The following LDLRAD3 variants were observed in gnomAD, a reference collection of about 807,000 sequenced individuals.
LDLRAD3 encodes low-density lipoprotein receptor class A domain-containing protein 3.
LDLRAD3 carries 20 observed loss-of-function variants against 29.4 expected under a neutral mutation model. The ratio of observed to expected loss-of-function variants is 0.68; its 90% CI spans 0.48 to 0.99. The LOEUF (loss-of-function observed/expected upper bound fraction) is 0.99. Among genes scored for constraint, LDLRAD3 ranks in the 50% least tolerant of loss-of-function variants. The pLI, the probability that LDLRAD3 is intolerant of heterozygous loss-of-function variation, is 0.00. For synonymous variants in LDLRAD3, 157 were observed against 192.7 expected (o/e 0.81, Z 1.53); for missense variants, 420 against 454.3 (o/e 0.92, Z 0.69).
chr11:36,012,978 T>A (rs762549955), intron 1 of LDLRAD3, among the ~76,000 whole-genome samples: 8 of 152,242 alleles, frequency 5.3e-5, no homozygotes, highest in Non-Finnish European at 1.0e-4. Flanking sequence ...AAAGTTACCG[T>A]TAATTTTGAA....
chr11:36,047,596 A>C (rs1852468388), intron 2 of LDLRAD3, among the ~76,000 whole-genome samples: 1 of 152,200 alleles, frequency 6.6e-6, no homozygotes, highest in South Asian at 2.1e-4. Flanking sequence ...CAAACAGATA[A>C]ATGCACCATG....
intron 4 of LDLRAD3, among the ~76,000 whole-genome samples, chr11:36,143,518 A>C (rs1267739767): frequency 6.6e-6 from 1 of 152,212 alleles, no homozygotes; most frequent in Non-Finnish European, 1.5e-5. Flanking sequence ...CCTGGAAATT[A>C]TGTATTTTCC....
chr11:36,188,124 G>A (rs1201374013), intron 4 of LDLRAD3, among the ~76,000 whole-genome samples: 2 of 151,998 alleles, frequency 1.3e-5, no homozygotes, highest in Non-Finnish European at 2.9e-5. Context: ...GTTGAAAAGT[G>A]CACCACATCG....
intron 1 of LDLRAD3, among the ~76,000 whole-genome samples, chr11:36,024,352 C>CTATATG (rs1447787418): frequency 1.3e-5 from 2 of 151,950 alleles, no homozygotes; most frequent in Admixed American, 6.6e-5. Flanking sequence ...ATATCTATAT[C>CTATATG]TATAGCCATA....
chr11:36,168,505 T>C (rs1228072224), intron 4 of LDLRAD3, among the ~76,000 whole-genome samples: 3 of 149,178 alleles, frequency 2.0e-5, no homozygotes, highest in South Asian at 2.1e-4. Context: ...CTTCTTTTTT[T>C]TTTTTTTTTT....
In LDLRAD3 at chr11:35,944,331, C is replaced by G. The variant is rs535874018; in HGVS notation, c.46+187C>G. Among the ~76,000 whole-genome samples, 18 of 151,860 alleles carry G rather than the reference C, an allele frequency of 1.2e-4. No homozygotes were observed. Among genetic ancestry groups the G allele is most frequent in the African/African-American group, 3.6e-4 (15 of 41,482 alleles). On this transcript the variant is annotated intron_variant, in intron 1 of 5. Coordinates refer to ENST00000315571, the MANE Select transcript of LDLRAD3 (RefSeq NM_174902.4). The surrounding 1 kb of genome is among the most constrained non-coding windows in gnomAD (Gnocchi z 4.9). ...CCGAGGGGCCGCCGCGGGGTGCGAG[C>G]CGTCCTATTGTGTGGGCGTGCGCGC... is the stretch of plus-strand genomic sequence containing the variant.
intron 1 of LDLRAD3, among the ~76,000 whole-genome samples, chr11:36,031,218 A>G (rs374722802): frequency 4.9e-4 from 74 of 152,314 alleles, no homozygotes; most frequent in African/African-American, 1.7e-3. Context: ...CAGCTAGCCA[A>G]CTTCGTGCTA....
At chr11:35,945,332 C>G (rs1262906396) in intron 1 of LDLRAD3, among the ~76,000 whole-genome samples, 2 of 152,200 alleles carry the variant, frequency 1.3e-5, no homozygotes, top group Non-Finnish European at 2.9e-5. Context: ...CTTGATGTCC[C>G]TGGTCCTGGG....
intron 1 of LDLRAD3, among the ~76,000 whole-genome samples, chr11:35,991,706 T>G (rs770216746): frequency 1.3e-5 from 2 of 152,196 alleles, no homozygotes; most frequent in Non-Finnish European, 2.9e-5. Flanking sequence ...CCTCGTAAGC[T>G]TCTTTGGTTA....
chr11:36,088,709 A>G (rs1355105626), intron 3 of LDLRAD3, among the ~76,000 whole-genome samples: 1 of 152,198 alleles, frequency 6.6e-6, no homozygotes, highest in Non-Finnish European at 1.5e-5. Flanking sequence ...AAGTGTCAAC[A>G]GGAGAATTTT....
At chr11:36,115,254 G>A (rs7944585) in intron 4 of LDLRAD3, among the ~76,000 whole-genome samples, 32 of 152,332 alleles carry the variant, frequency 2.1e-4, no homozygotes, top group Admixed American at 5.2e-4. Context: ...CAAAACCACC[G>A]CTTCCTTCTC....
rs1030572434 is a variant in LDLRAD3 at position 36,231,651 on chromosome 11, T to A, written c.*2254T>A. On this transcript the variant is annotated 3_prime_UTR_variant, in exon 6 of 6. Coordinates refer to ENST00000315571, the MANE Select transcript of LDLRAD3 (RefSeq NM_174902.4). Reference sequence around the variant, plus strand: ...TAAGGGATGCCTACTAATGCTTTTTTAAAACAAACAGGGACATTTTTATTA... The same window carrying A: ...TAAGGGATGCCTACTAATGCTTTTTAAAAACAAACAGGGACATTTTTATTA... The A allele has an allele frequency of 2.0e-5, 3 of 152,220 alleles. No homozygotes were observed. Among genetic ancestry groups the A allele is most frequent in the Admixed American group, 1.3e-4 (2 of 15,282 alleles). 9.4% of individuals were successfully genotyped at this position (152,220 alleles called of 1,614,324 possible).
At position 36,105,238 on chromosome 11, in the gene LDLRAD3, T is replaced by TGTGTGTGTGTGTGTGTGTGTGA. The variant is rs1343780985; in HGVS notation, c.454+6778_454+6779insTGTGTGTGTGTGTGTGTGTGAG. ...GTGTGTGTGTGTGTGTGTGTGTGTG[T>TGTGTGTGTGTGTGTGTGTGTGA]GAGAGAGAGAGAGAGAGAGAGAGAA... is the stretch of plus-strand genomic sequence containing the variant. On this transcript the variant is annotated intron_variant, in intron 4 of 5. Transcript: ENST00000315571. 2.3e-4 allele frequency among the ~76,000 whole-genome samples: 29 copies of TGTGTGTGTGTGTGTGTGTGTGA among 128,420 alleles called. No homozygotes were observed. The East Asian group carries it at 6.3e-3, about 28-fold the overall frequency. 84.2% of individuals were successfully genotyped at this position (128,420 alleles called of 152,430 possible).
At position 36,045,998 on chromosome 11, in the gene LDLRAD3, G is replaced by GTTCCC. The variant is rs1190944856; in HGVS notation, c.193+9750_193+9754dup. On this transcript the variant is annotated intron_variant, in intron 2 of 5. Coordinates refer to ENST00000315571, the MANE Select transcript of LDLRAD3 (RefSeq NM_174902.4). The stretch of plus-strand genomic sequence containing the variant: ...CCCCCAACAGGCCCCAGTGTGTGAT[G>GTTCCC]TTCCCCTCCCTGTGTCTATGCATAC... Among the ~76,000 whole-genome samples, 18 of 151,732 alleles carry GTTCCC rather than the reference G, an allele frequency of 1.2e-4. No homozygotes were observed. In the East Asian group the frequency reaches 2.9e-3, roughly 25 times the overall value.
intron 1 of LDLRAD3, among the ~76,000 whole-genome samples, chr11:36,005,923 G>T (rs535357420): frequency 1.2e-3 from 175 of 152,152 alleles, no homozygotes; most frequent in Non-Finnish European, 2.0e-3. Flanking sequence ...ATGAGAACTT[G>T]CTATCACGAG....
chr11:36,168,055 C>A (rs1196501131), intron 4 of LDLRAD3, among the ~76,000 whole-genome samples: 5 of 152,228 alleles, frequency 3.3e-5, no homozygotes, highest in Admixed American at 2.6e-4. Flanking sequence ...TTCTCCTCTA[C>A]TTTCTCTTCT....
At position 36,229,639 on chromosome 11, in the gene LDLRAD3, A is replaced by AT; in HGVS notation, c.*243dup. 3.5e-5 allele frequency: 17 copies of AT among 480,166 alleles called. No individual in the cohort carries two copies. Among genetic ancestry groups the AT allele is most frequent in the South Asian group, 2.7e-4 (6 of 21,916 alleles). 29.7% of individuals were successfully genotyped at this position (480,166 alleles called of 1,614,324 possible). A position where few individuals can be genotyped will look rare whatever the true frequency, so the allele number is the denominator to read the frequency against. ...GGTCACTCTTCCCTTGGGACCCGAG[A>AT]TCACACCCTCATTTTTCACATTATT... On this transcript the variant is annotated 3_prime_UTR_variant, in exon 6 of 6. Transcript: ENST00000315571.
At chr11:35,985,276 G>A (rs377297165) in intron 1 of LDLRAD3, among the ~76,000 whole-genome samples, 16 of 152,284 alleles carry the variant, frequency 1.1e-4, no homozygotes, top group East Asian at 9.7e-4. Flanking sequence ...TCCACTGTCT[G>A]GTTCTGTGGA....
chr11:36,127,400 C>T (rs1853853532), intron 4 of LDLRAD3, among the ~76,000 whole-genome samples: 2 of 151,644 alleles, frequency 1.3e-5, no homozygotes, highest in South Asian at 2.1e-4. Flanking sequence ...GCTGTTTAAT[C>T]CTGGCTGGTT....
Sources: gnomAD v4.1 joint callset for allele counts (sites outside exome capture counted in the v4.1 genomes callset) on GRCh38, gnomAD v4.1.1 for gene constraint, Gnocchi (gnomAD v3.1) non-coding constraint, MANE v1.5 for transcripts, NCBI Gene and HGNC (gene_info 2026-07-23, HGNC 2026-07-21) for gene names.